Variants in TENM2 observed in about 807,000 individuals in gnomAD.
The protein encoded by TENM2 is teneurin transmembrane protein 2.
TENM2 carries 52 observed loss-of-function variants against 245.2 expected under a neutral mutation model. That is an observed-to-expected ratio of 0.21 (90% CI 0.17 to 0.27). The LOEUF (loss-of-function observed/expected upper bound fraction) is 0.27, where lower values mean the gene tolerates loss of function less well. Among genes scored for constraint, TENM2 ranks in the 10% least tolerant of loss-of-function variants. The pLI is 1.00. For missense variants in TENM2, 3,046 were observed against 3,666.8 expected (o/e 0.83, Z 4.37); for synonymous variants, 1,363 against 1,438.9 (o/e 0.95, Z 1.19).
intron 7 of TENM2, among the ~76,000 whole-genome samples, chr5:168,078,546 G>A (rs1410301107): frequency 4.6e-5 from 7 of 152,012 alleles, no homozygotes; most frequent in Admixed American, 1.3e-4. Flanking sequence ...TTTCTTCTAG[G>A]GTTTTTATGG....
At chr5:167,336,326 G>A (rs1345411009) in intron 1 of TENM2, among the ~76,000 whole-genome samples, 1 of 151,472 alleles carries the variant, frequency 6.6e-6, no homozygotes, top group East Asian at 1.9e-4. Flanking sequence ...GAGCTGCTTG[G>A]AGTGTGTACC....
intron 3 of TENM2, among the ~76,000 whole-genome samples, chr5:167,914,173 T>G (rs886379146): frequency 6.6e-6 from 1 of 152,186 alleles, no homozygotes; most frequent in Non-Finnish European, 1.5e-5. Flanking sequence ...TTCCCTGCAA[T>G]AGTTTTCTAT....
the TENM2 span, among the ~76,000 whole-genome samples, chr5:166,982,752 C>T: frequency 1.3e-5 from 2 of 151,812 alleles, no homozygotes; most frequent in African/African-American, 2.4e-5. Flanking sequence ...GATTCCCAAC[C>T]TTCAGGGAAC....
intron 2 of TENM2, among the ~76,000 whole-genome samples, chr5:167,760,374 C>T (rs1762582931): frequency 6.6e-6 from 1 of 152,210 alleles, no homozygotes; most frequent in Non-Finnish European, 1.5e-5. Context: ...ATTTAATACA[C>T]TGTTGGAAGG....
chr5:167,129,198 C>T, the TENM2 span, among the ~76,000 whole-genome samples: 3 of 152,144 alleles, frequency 2.0e-5, no homozygotes, highest in African/African-American at 7.2e-5. Context: ...ACTTAGGAGA[C>T]TCTTGGGAAA....
intron 5 of TENM2, among the ~76,000 whole-genome samples, chr5:168,013,895 CT>C (rs1785458657): frequency 6.6e-6 from 1 of 152,176 alleles, no homozygotes; most frequent in Non-Finnish European, 1.5e-5. Flanking sequence ...CTGGACCTCT[CT>C]CTTGGCTTCT....
chr5:167,825,321 T>C (rs1032535146), intron 2 of TENM2, among the ~76,000 whole-genome samples: 8 of 152,040 alleles, frequency 5.3e-5, no homozygotes, highest in Non-Finnish European at 1.0e-4. Flanking sequence ...GGTGGGGTTT[T>C]TTTATGTTTT....
intron 2 of TENM2, among the ~76,000 whole-genome samples, chr5:167,697,595 G>C (rs958575689): frequency 6.6e-6 from 1 of 151,950 alleles, no homozygotes; most frequent in Non-Finnish European, 1.5e-5. Context: ...GCACCATCTC[G>C]GCTCACTGCA....
At chr5:168,049,396 A>C (rs552124405) in intron 6 of TENM2, among the ~76,000 whole-genome samples, 2 of 152,360 alleles carry the variant, frequency 1.3e-5, no homozygotes, top group South Asian at 4.1e-4. Context: ...TGCATATTCT[A>C]TCATTGGGCA....
chr5:167,795,444 G>C (rs933025954), intron 2 of TENM2, among the ~76,000 whole-genome samples: 1 of 152,154 alleles, frequency 6.6e-6, no homozygotes, highest in Non-Finnish European at 1.5e-5. Flanking sequence ...CCAGTGATTT[G>C]AGGCTTCTAA....
At chr5:167,569,791 C>T (rs1175114670) in intron 2 of TENM2, among the ~76,000 whole-genome samples, 3 of 152,078 alleles carry the variant, frequency 2.0e-5, no homozygotes, top group Non-Finnish European at 2.9e-5. Context: ...TAAGTTCTCA[C>T]AATATTTTAC....
intron 3 of TENM2, among the ~76,000 whole-genome samples, chr5:167,903,292 G>A (rs1775850785): frequency 6.6e-6 from 1 of 152,036 alleles, no homozygotes. Context: ...GAAAGATGTG[G>A]CCTCTAAGCT....
At chr5:168,092,973 T>A (rs774883169) in intron 8 of TENM2, among the ~76,000 whole-genome samples, 1 of 152,204 alleles carries the variant, frequency 6.6e-6, no homozygotes, top group Non-Finnish European at 1.5e-5. Context: ...GGTAGCACTA[T>A]CACAATTCTC....
At chr5:168,149,593 C>T (rs1407572107) in intron 12 of TENM2, among the ~76,000 whole-genome samples, 2 of 152,152 alleles carry the variant, frequency 1.3e-5, no homozygotes, top group Admixed American at 1.3e-4. Flanking sequence ...CAAGCCTCCA[C>T]CCTGGCTTAC....
intron 2 of TENM2, among the ~76,000 whole-genome samples, chr5:167,638,188 G>A (rs1779339925): frequency 6.6e-6 from 1 of 150,998 alleles, no homozygotes; most frequent in Admixed American, 6.6e-5. Context: ...CATTCACACT[G>A]GAAAATTCAT....
At chr5:167,412,480 A>G (rs1396746202) in intron 2 of TENM2, among the ~76,000 whole-genome samples, 1 of 152,074 alleles carries the variant, frequency 6.6e-6, no homozygotes, top group Non-Finnish European at 1.5e-5. Context: ...TCTTTCAGTA[A>G]GAAACATGAT....
intron 3 of TENM2, among the ~76,000 whole-genome samples, chr5:167,911,554 CAAAAG>C (rs1776559123): frequency 6.6e-6 from 1 of 152,128 alleles, no homozygotes; most frequent in Non-Finnish European, 1.5e-5. Flanking sequence ...AAAACAAAAA[CAAAAG>C]AAACTCAGAT....
chr5:167,674,880 C>A (rs1156529350), intron 2 of TENM2, among the ~76,000 whole-genome samples: 1 of 152,094 alleles, frequency 6.6e-6, no homozygotes, highest in African/African-American at 2.4e-5. Context: ...TGTCTTCTAG[C>A]AAATCACCAC....
chr5:167,173,998 G>A, the TENM2 span, among the ~76,000 whole-genome samples: 5 of 151,800 alleles, frequency 3.3e-5, no homozygotes, highest in Non-Finnish European at 7.4e-5. Flanking sequence ...GAGAAATTCT[G>A]TTATTAATAA....
Sources: allele counts gnomAD v4.1 joint callset (sites outside exome capture counted in the v4.1 genomes callset), GRCh38; gene constraint gnomAD v4.1.1; transcripts MANE v1.5; gene names NCBI Gene and HGNC (gene_info 2026-07-23, HGNC 2026-07-21).